Variants in TBCD observed in about 807,000 individuals in gnomAD.
TBCD encodes tubulin folding cofactor D.
Under a neutral mutation model 169.3 loss-of-function variants are expected in TBCD, and 105 were observed. That is an observed-to-expected ratio of 0.62 (90% confidence interval 0.53 to 0.73). The LOEUF is 0.73. Ranked by LOEUF, TBCD falls within the 30% of genes least tolerant of loss-of-function variation. TBCD has a pLI of 0.00. For missense variants in TBCD, 1,444 were observed against 1,600.1 expected, an observed-to-expected ratio of 0.90 and a Z score of 1.66; for synonymous variants, 700 against 643.9, an observed-to-expected ratio of 1.09 and a Z score of -1.32.
At chr17:82,856,229 T>C (rs2056270783) in intron 13 of TBCD, among the ~76,000 whole-genome samples, 1 of 151,940 alleles carries the variant, frequency 6.6e-6, no homozygotes, top group Non-Finnish European at 1.5e-5. Context: ...GGTAGAATTT[T>C]ACTCAACATA....
intron 12 of TBCD, among the ~76,000 whole-genome samples, chr17:82,810,947 T>C: frequency 6.6e-6 from 1 of 152,184 alleles, no homozygotes; most frequent in Admixed American, 6.5e-5. Flanking sequence ...CAGGAAACAA[T>C]GTGTCAGATA....
At chr17:82,932,888 C>T (rs544390020) in intron 34 of TBCD, 153 bp downstream of exon 34, 14 of 671,474 alleles carry the variant, frequency 2.1e-5, no homozygotes, top group African/African-American at 7.2e-5. Flanking sequence ...ACCGTCATCA[C>T]AGCTGGCCCT....
chr17:82,814,774 ATGCTG>A, intron 12 of TBCD, 61 bp from the exon 13 acceptor site: 1 of 1,510,666 alleles, frequency 6.6e-7, no homozygotes, highest in Non-Finnish European at 9.2e-7. Flanking sequence ...GCTCCTTGCC[ATGCTG>A]TGGGCTTTGA....
At chr17:82,792,119 C>G (rs1051648876) in intron 7 of TBCD, among the ~76,000 whole-genome samples, 1 of 152,146 alleles carries the variant, frequency 6.6e-6, no homozygotes, top group Non-Finnish European at 1.5e-5. Flanking sequence ...ACCATCCTGG[C>G]TAAAATGGTG....
rs1384409723 is a variant in TBCD, at chr17:82,880,943, G to C, written c.1476-3202G>C. Among the ~76,000 whole-genome samples, 1 of 152,130 alleles carries C rather than the reference G, an allele frequency of 6.6e-6. No homozygotes were observed. The highest frequency in any genetic ancestry group is 1.5e-5 in the Non-Finnish European group (1 of 68,016). Reference sequence around the variant, plus strand: ...GGCGGAACTCGGGGAAGGAGGCCGTGTACTCCCATAGCTCTGGGCTCTGTT... The same window carrying C: ...GGCGGAACTCGGGGAAGGAGGCCGTCTACTCCCATAGCTCTGGGCTCTGTT... On this transcript the variant is annotated intron_variant, in intron 14 of 38. Coordinates refer to ENST00000355528, the MANE Select transcript of TBCD (RefSeq NM_005993.5). The surrounding 1 kb of genome is among the most constrained non-coding windows in gnomAD (Gnocchi z 5.0).
intron 16 of TBCD, among the ~76,000 whole-genome samples, chr17:82,891,893 T>C (rs2059165636): frequency 6.6e-6 from 1 of 152,100 alleles, no homozygotes; most frequent in African/African-American, 2.4e-5. Flanking sequence ...GAGCAGGTTG[T>C]GACTAACCCA....
rs550203958 is a variant in TBCD, at chr17:82,835,491, C to T, written c.1318+20557C>T. Among the ~76,000 whole-genome samples, 1 of 152,106 alleles carries T rather than the reference C, an allele frequency of 6.6e-6. No homozygotes were observed. Among genetic ancestry groups the T allele is most frequent in the African/African-American group, 2.4e-5 (1 of 41,408 alleles). On this transcript the variant is annotated intron_variant, in intron 13 of 38. Coordinates refer to ENST00000355528, the MANE Select transcript of TBCD (RefSeq NM_005993.5). The surrounding 1 kb of genome is among the most constrained non-coding windows in gnomAD (Gnocchi z 4.5). ...AGGCTGGAGGGCAGTGGTGCGATCT[C>T]GGTTCACTGCAACCTCTGCCTCCTG...
intron 14 of TBCD, 143 bp downstream of exon 14, chr17:82,870,523 C>A: frequency 1.7e-6 from 2 of 1,150,748 alleles, no homozygotes; most frequent in Non-Finnish European, 2.4e-6. Flanking sequence ...AAAGCCACCG[C>A]TTGGAGGTCA....
chr17:82,815,793 C>T (rs933306434), intron 13 of TBCD, among the ~76,000 whole-genome samples: 4 of 151,594 alleles, frequency 2.6e-5, no homozygotes, highest in African/African-American at 7.3e-5. Context: ...CTGAAGTGAC[C>T]GCTTTGCACT....
At chr17:82,762,408 C>G (rs998846784) in intron 2 of TBCD, among the ~76,000 whole-genome samples, 1 of 150,958 alleles carries the variant, frequency 6.6e-6, no homozygotes, top group Non-Finnish European at 1.5e-5. Flanking sequence ...TGGGAAAATA[C>G]GCATGTGTGG....
chr17:82,758,271 A>G (rs1442164102), intron 2 of TBCD, among the ~76,000 whole-genome samples: 1 of 150,074 alleles, frequency 6.7e-6, no homozygotes, highest in Non-Finnish European at 1.5e-5. Flanking sequence ...CTGTAATCCC[A>G]GCTACTTGGG....
At chr17:82,836,298 G>A (rs1016198664) in intron 13 of TBCD, among the ~76,000 whole-genome samples, 2 of 152,228 alleles carry the variant, frequency 1.3e-5, no homozygotes, top group Admixed American at 6.5e-5. Context: ...TTCTGAAGGC[G>A]TGAGAACCTC....
At chr17:82,802,422 T>A (rs2050639470) in intron 9 of TBCD, among the ~76,000 whole-genome samples, 1 of 152,048 alleles carries the variant, frequency 6.6e-6, no homozygotes. Context: ...TTAGGCACAG[T>A]GTTCGTGGCT....
intron 30 of TBCD, among the ~76,000 whole-genome samples, chr17:82,928,471 T>C: frequency 6.6e-6 from 1 of 151,628 alleles, no homozygotes; most frequent in Non-Finnish European, 1.5e-5. Context: ...CCCTGCCCTT[T>C]CTGTCGGTCT....
chr17:82,907,697 C>A, intron 20 of TBCD, 64 bp from the exon 21 acceptor site: 1 of 1,583,076 alleles, frequency 6.3e-7, no homozygotes, highest in East Asian at 2.3e-5. Context: ...TCAGCTCCTC[C>A]GAGTGTACTC....
intron 7 of TBCD, among the ~76,000 whole-genome samples, chr17:82,790,780 C>A (rs75303076): frequency 6.6e-6 from 1 of 152,180 alleles, no homozygotes; most frequent in Non-Finnish European, 1.5e-5. Context: ...CAGTGGATAA[C>A]CACATCCACT....
rs1243723503 is a variant in TBCD, at chr17:82,944,049, A to G, written c.*1586A>G. On this transcript the variant is annotated 3_prime_UTR_variant, in exon 39 of 39. Coordinates refer to ENST00000355528, the MANE Select transcript of TBCD (RefSeq NM_005993.5). Reference sequence around the variant, plus strand: ...CAAAGCTCCTGCTGGCCTGGGATGCACTGAGGATGGAAGGAACAAGTGGCT... The same window carrying G: ...CAAAGCTCCTGCTGGCCTGGGATGCGCTGAGGATGGAAGGAACAAGTGGCT... 6.6e-6 allele frequency: 1 copy of G among 152,274 alleles called. No homozygotes were observed. Among genetic ancestry groups the G allele is most frequent in the Non-Finnish European group, 1.5e-5 (1 of 68,044 alleles). The allele number at this position is 152,274 out of a possible 1,614,324, so 9.4% of individuals were successfully genotyped here.
At chr17:82,819,194 T>G (rs2052193308) in intron 13 of TBCD, among the ~76,000 whole-genome samples, 1 of 152,226 alleles carries the variant, frequency 6.6e-6, no homozygotes. Context: ...TGGTGCATGC[T>G]AAAGGAGGAA....
chr17:82,942,996 C>T lies in TBCD; in HGVS notation c.*533C>T. On this transcript the variant is annotated 3_prime_UTR_variant, in exon 39 of 39. Transcript: ENST00000355528. Reference sequence around the variant, plus strand: ...AGATGCTGTTTCTGGGCCCGTCTGCCTGGTGGGGGTGCTGTCCTCCCCCCT... The same window carrying T: ...AGATGCTGTTTCTGGGCCCGTCTGCTTGGTGGGGGTGCTGTCCTCCCCCCT... The T allele has an allele frequency of 5.9e-6, 1 of 170,064 alleles. No homozygotes were observed. 10.5% of individuals were successfully genotyped at this position (170,064 alleles called of 1,614,324 possible).
Sources: gnomAD v4.1 joint callset for allele counts (sites outside exome capture counted in the v4.1 genomes callset) on GRCh38, gnomAD v4.1.1 for gene constraint, Gnocchi (gnomAD v3.1) non-coding constraint, MANE v1.5 for transcripts, NCBI Gene and HGNC (gene_info 2026-07-23, HGNC 2026-07-21) for gene names.